Variants in ASAP1 observed in about 807,000 individuals in gnomAD.
ASAP1 encodes the protein arf-GAP with SH3 domain, ANK repeat and PH domain-containing protein 1.
In ASAP1, 43 loss-of-function variants were observed where a neutral mutation model predicts 145.2. That is an observed-to-expected ratio of 0.30 (90% CI 0.23 to 0.38). The LOEUF (loss-of-function observed/expected upper bound fraction) is 0.38, where lower values mean the gene tolerates loss of function less well. ASAP1 is among the 10% of genes least tolerant of loss of function. ASAP1 has a pLI of 1.00. For missense variants in ASAP1, 1,018 were observed against 1,355.3 expected, an observed-to-expected ratio of 0.75 and a Z score of 3.91; for synonymous variants, 546 against 515.5, an observed-to-expected ratio of 1.06 and a Z score of -0.80.
At chr8:130,250,421 C>T (rs1312854710) in intron 3 of ASAP1, among the ~76,000 whole-genome samples, 3 of 152,152 alleles carry the variant, frequency 2.0e-5, no homozygotes, top group Non-Finnish European at 4.4e-5. Context: ...TTTTATTCTA[C>T]TTTTTGTCAC....
intron 5 of ASAP1, among the ~76,000 whole-genome samples, chr8:130,212,321 C>T (rs1341724675): frequency 1.3e-5 from 2 of 152,126 alleles, no homozygotes; most frequent in Non-Finnish European, 2.9e-5. Context: ...CAGCAATTTC[C>T]TTTAGATTTT....
intron 5 of ASAP1, among the ~76,000 whole-genome samples, chr8:130,206,987 T>TA (rs548490411): frequency 3.4e-5 from 5 of 148,626 alleles, no homozygotes; most frequent in South Asian, 2.1e-4. Context: ...TTTTCATGGT[T>TA]AAAAAAAAAA....
intron 5 of ASAP1, among the ~76,000 whole-genome samples, chr8:130,200,673 T>A (rs1815812836): frequency 6.6e-6 from 1 of 152,190 alleles, no homozygotes; most frequent in Admixed American, 6.5e-5. Flanking sequence ...AAGATTACTG[T>A]TGATTTTTAT....
At chr8:130,189,355 T>C (rs1192986436) in intron 5 of ASAP1, among the ~76,000 whole-genome samples, 4 of 152,184 alleles carry the variant, frequency 2.6e-5, no homozygotes, top group Admixed American at 6.5e-5. Context: ...CATCATTCTA[T>C]TCTCTATCTC....
At position 130,397,101 on chromosome 8, in the gene ASAP1, T is replaced by TTTTA. The variant is rs1828565035; in HGVS notation, c.59+4780_59+4783dup. On this transcript the variant is annotated intron_variant, in intron 2 of 29. Transcript: ENST00000518721. ...ACAACCGCATTGCTGTGGACTGTGA[T>TTTTA]TTTATTCATTCATTCATTCATTCAC... Among the ~76,000 whole-genome samples, 7 of 151,692 alleles carry TTTTA rather than the reference T, an allele frequency of 4.6e-5. No individual in the cohort carries two copies. In the South Asian group the frequency reaches 1.5e-3, roughly 32 times the overall value.
chr8:130,369,940 G>A (rs1256090960), intron 2 of ASAP1, among the ~76,000 whole-genome samples: 15 of 152,148 alleles, frequency 9.9e-5, no homozygotes, highest in Admixed American at 9.8e-4. Flanking sequence ...GTATTACAAC[G>A]TGACACTTTT....
chr8:130,365,332 G>C (rs1444891194), intron 2 of ASAP1, among the ~76,000 whole-genome samples: 4 of 152,156 alleles, frequency 2.6e-5, no homozygotes, highest in African/African-American at 9.7e-5. Context: ...TGCCTAGTTG[G>C]GGTCCCTTGT....
In ASAP1 at chr8:130,115,882, C is replaced by T. The variant is rs1440721897; in HGVS notation, c.2065-147G>A. On this transcript the variant is annotated intron_variant, in intron 22 of 29. Transcript: ENST00000518721. The stretch of plus-strand genomic sequence containing the variant: ...ATAGGCAACACTCTGCTTAGACAAG[C>T]TGCACTGCTATGTGACAGGCTCAAG... 1.3e-5 allele frequency: 8 copies of T among 627,944 alleles called. No individual in the cohort carries two copies. The Middle Eastern group carries it at 8.5e-4, about 66-fold the overall frequency. 38.9% of individuals were successfully genotyped at this position (627,944 alleles called of 1,614,324 possible).
At chr8:130,406,916 T>A (rs756953920) in intron 1 of ASAP1, among the ~76,000 whole-genome samples, 1 of 152,186 alleles carries the variant, frequency 6.6e-6, no homozygotes, top group Non-Finnish European at 1.5e-5. Flanking sequence ...GCCCAACTTG[T>A]CCAGTCCGAG....
At chr8:130,203,913 G>GT (rs1378855880) in intron 5 of ASAP1, among the ~76,000 whole-genome samples, 1 of 152,146 alleles carries the variant, frequency 6.6e-6, no homozygotes, top group Non-Finnish European at 1.5e-5. Context: ...TTTAATTGCT[G>GT]TTTTTTAAAT....
At chr8:130,307,589 C>A (rs1207007962) in intron 3 of ASAP1, among the ~76,000 whole-genome samples, 1 of 152,218 alleles carries the variant, frequency 6.6e-6, no homozygotes, top group African/African-American at 2.4e-5. Flanking sequence ...AGGTAACCAC[C>A]TTTCTATGAG....
intron 12 of ASAP1, among the ~76,000 whole-genome samples, chr8:130,157,618 G>T (rs1434337434): frequency 6.6e-6 from 1 of 152,046 alleles, no homozygotes; most frequent in Non-Finnish European, 1.5e-5. Flanking sequence ...CTCACGGAGT[G>T]GTTCCCTGTC....
chr8:130,382,756 A>T (rs933078452), intron 2 of ASAP1, among the ~76,000 whole-genome samples: 1 of 152,102 alleles, frequency 6.6e-6, no homozygotes, highest in Non-Finnish European at 1.5e-5. Flanking sequence ...GAGGCAGGAG[A>T]ATTGCTTGAA....
At chr8:130,340,557 ATG>A (rs781072034) in intron 3 of ASAP1, among the ~76,000 whole-genome samples, 30 of 152,198 alleles carry the variant, frequency 2.0e-4, no homozygotes, top group Non-Finnish European at 2.6e-4. Flanking sequence ...AATGCATAAA[ATG>A]TGTGTGTATA....
In ASAP1 at chr8:130,247,290, T is replaced by C. The variant is rs115290185; in HGVS notation, c.187-10296A>G. ...ATGATGATAAAATGACAATGTGACA[T>C]TGCCATTAATCTTATATCATCTTAT... On this transcript the variant is annotated intron_variant, in intron 3 of 29. Coordinates refer to ENST00000518721, the MANE Select transcript of ASAP1 (RefSeq NM_018482.4). Among the ~76,000 whole-genome samples the C allele has an allele frequency of 4.3e-3, 660 of 152,342 alleles. 10 individuals are homozygous for C. The highest frequency in any genetic ancestry group is 0.015 in the African/African-American group (629 of 41,586).
intron 27 of ASAP1, among the ~76,000 whole-genome samples, chr8:130,064,379 CCT>C (rs2097425698): frequency 6.6e-6 from 1 of 152,114 alleles, no homozygotes; most frequent in Non-Finnish European, 1.5e-5. Flanking sequence ...GAGCTAAGCA[CCT>C]CTCTCAGGCT....
chr8:130,136,844 T>C, intron 14 of ASAP1, 107 bp downstream of exon 14: 2 of 941,640 alleles, frequency 2.1e-6, no homozygotes, highest in East Asian at 2.5e-5. Flanking sequence ...ACTGTTCCAA[T>C]GCCAACTGTG....
At chr8:130,063,200 AG>A (rs1444977757) in intron 27 of ASAP1, among the ~76,000 whole-genome samples, 1 of 152,132 alleles carries the variant, frequency 6.6e-6, no homozygotes, top group Admixed American at 6.6e-5. Flanking sequence ...CTATTGAGAC[AG>A]GGTCTCCCTC....
chr8:130,390,198 T>C (rs1364412834), intron 2 of ASAP1, among the ~76,000 whole-genome samples: 3 of 152,242 alleles, frequency 2.0e-5, no homozygotes, highest in Non-Finnish European at 2.9e-5. Flanking sequence ...CAGTAGCCAC[T>C]ACCTATAGCT....
Sources: allele counts gnomAD v4.1 joint callset (sites outside exome capture counted in the v4.1 genomes callset), GRCh38; gene constraint gnomAD v4.1.1; transcripts MANE v1.5; gene names NCBI Gene and HGNC (gene_info 2026-07-23, HGNC 2026-07-21).